SNX29: variants seen among roughly 807,000 people sequenced by gnomAD.
SNX29 encodes the protein sorting nexin 29, also known as sorting nexin-29.
Under a neutral mutation model 102.1 loss-of-function variants are expected in SNX29, and 78 were observed. The ratio of observed to expected loss-of-function variants is 0.76; its 90% CI spans 0.64 to 0.92. The LOEUF (loss-of-function observed/expected upper bound fraction) is 0.92. Among genes scored for constraint, SNX29 ranks in the 40% least tolerant of loss-of-function variants. The probability of loss-of-function intolerance (pLI) is 0.00; values close to 1 mark genes in which losing one functional copy is unlikely to be tolerated. For synonymous variants in SNX29, 580 were observed against 414.5 expected (o/e 1.40, Z -4.85); for missense variants, 1,280 against 1,061.7 (o/e 1.21, Z -2.86).
Position 12,382,650 on chromosome 16 carries a change from G to A in SNX29, c.1900-15796G>A, listed in dbSNP as rs140844401. ...AACGTGCTGGCTTAAAACAACATAC[G>A]TTTATTTGCTCGCAGTTCTGGAGGC... On this transcript the variant is annotated intron_variant, in intron 16 of 20. Transcript: ENST00000566228. Among the ~76,000 whole-genome samples the A allele has an allele frequency of 1.1e-4, 17 of 152,336 alleles. No homozygotes were observed. In the East Asian group the frequency reaches 3.3e-3, roughly 29 times the overall value.
At chr16:12,562,410 A>G (rs771541972) in intron 20 of SNX29, among the ~76,000 whole-genome samples, 1 of 152,080 alleles carries the variant, frequency 6.6e-6, no homozygotes, top group East Asian at 1.9e-4. Flanking sequence ...ATACCATACA[A>G]TTTACCCACT....
At chr16:12,348,472 C>T (rs761348342) in intron 15 of SNX29, among the ~76,000 whole-genome samples, 23 of 152,198 alleles carry the variant, frequency 1.5e-4, no homozygotes, top group Non-Finnish European at 2.8e-4. Flanking sequence ...GCCCACATGG[C>T]TTTTCCCCTC....
chr16:11,976,830 C>A lies in SNX29; in HGVS notation c.7+17C>A. 2 of 1,372,342 alleles carry A rather than the reference C, an allele frequency of 1.5e-6. No individual in the cohort carries two copies. The highest frequency in any genetic ancestry group is 1.6e-5 in the South Asian group (1 of 60,708). 85.0% of individuals were successfully genotyped at this position (1,372,342 alleles called of 1,614,324 possible). A position where few individuals can be genotyped will look rare whatever the true frequency, so the allele number is the denominator to read the frequency against. On this transcript the variant is annotated intron_variant, in intron 1 of 20. Transcript: ENST00000566228. ...CCATGAGCGGTGAGTGGCGGCCCCG[C>A]CGCTGTCACCTGCCCCGGCCGCCCC...
chr16:12,449,585 G>T (rs1486163301), intron 18 of SNX29, among the ~76,000 whole-genome samples: 1 of 152,176 alleles, frequency 6.6e-6, no homozygotes, highest in Non-Finnish European at 1.5e-5. Flanking sequence ...GGGTTGATCA[G>T]GGGCTCAAAT....
At chr16:12,160,724 T>G (rs844224) in intron 13 of SNX29, among the ~76,000 whole-genome samples, 66,431 of 152,106 alleles carry the variant, frequency 0.44, 19,224 homozygotes, top group African/African-American at 0.83. Flanking sequence ...TAAGGAAGAT[T>G]AGAAAAAAGT....
At position 12,557,028 on chromosome 16, in the gene SNX29, C is replaced by T. The variant is rs1047857133; in HGVS notation, c.2319-11478C>T. Among the ~76,000 whole-genome samples the T allele has an allele frequency of 6.4e-5, 8 of 124,166 alleles. No individual in the cohort carries two copies. The East Asian group carries it at 1.5e-3, about 23-fold the overall frequency. 81.5% of individuals were successfully genotyped at this position (124,166 alleles called of 152,430 possible). On this transcript the variant is annotated intron_variant, in intron 20 of 20. Coordinates refer to ENST00000566228, the MANE Select transcript of SNX29 (RefSeq NM_032167.5). ...TCTGGCTAATTTACCCCCCCCCCGC[C>T]CCAAGATGAGGTCTTGCTATGTGGC...
At chr16:12,361,888 C>G (rs1383886708) in intron 16 of SNX29, among the ~76,000 whole-genome samples, 1 of 151,682 alleles carries the variant, frequency 6.6e-6, no homozygotes, top group Non-Finnish European at 1.5e-5. Context: ...GAATCTGTAA[C>G]TGTTACCAGT....
At chr16:12,467,360 C>T (rs867140266) in intron 18 of SNX29, among the ~76,000 whole-genome samples, 1 of 152,190 alleles carries the variant, frequency 6.6e-6, no homozygotes, top group East Asian at 1.9e-4. Context: ...GGCGAAGATC[C>T]ATGCTCTCCT....
At chr16:12,449,998 A>G (rs981102855) in intron 18 of SNX29, among the ~76,000 whole-genome samples, 2 of 152,166 alleles carry the variant, frequency 1.3e-5, no homozygotes, top group Non-Finnish European at 1.5e-5. Flanking sequence ...CGGTTCCCCC[A>G]TACTGTTGTT....
rs768706561 is a variant in SNX29, at chr16:12,042,937, G to A, written c.288G>A (p.Lys96=). 9 of 1,613,526 alleles carry A rather than the reference G, an allele frequency of 5.6e-6. No homozygotes were observed. The East Asian group carries it at 6.7e-5, about 12-fold the overall frequency. The part of the protein sequence containing the change: ...FWYYVKEVLN[K]HELQRFYSLR... ...ACTACGTGAAGGAGGTCCTCAACAA[G>A]CACGAGCTGCAGCGCTTCTACTCCC... The change falls in exon 5 of 21, where the codon AAG becomes AAA. Residue 96 remains lysine (K), a synonymous_variant. Coordinates refer to ENST00000566228, the MANE Select transcript of SNX29 (RefSeq NM_032167.5).
intron 20 of SNX29, among the ~76,000 whole-genome samples, chr16:12,566,632 C>G (rs1015058230): frequency 5.3e-5 from 8 of 152,224 alleles, no homozygotes; most frequent in African/African-American, 1.9e-4. Context: ...AAGCAAAGAC[C>G]TCCTTCCAGC....
At chr16:12,437,518 A>T (rs2085591433) in intron 18 of SNX29, among the ~76,000 whole-genome samples, 1 of 152,222 alleles carries the variant, frequency 6.6e-6, no homozygotes. Context: ...GTCTCAGGAC[A>T]TACATATGAA....
At chr16:12,116,101 G>A (rs2053688402) in intron 11 of SNX29, among the ~76,000 whole-genome samples, 1 of 152,202 alleles carries the variant, frequency 6.6e-6, no homozygotes, top group African/African-American at 2.4e-5. Flanking sequence ...GTGCAATATA[G>A]TGATTTTGAA....
chr16:12,193,358 T>C (rs1448841110), intron 13 of SNX29, among the ~76,000 whole-genome samples: 1 of 151,234 alleles, frequency 6.6e-6, no homozygotes, highest in African/African-American at 2.4e-5. Context: ...TAATCCCAGC[T>C]ACTTGGGATC....
chr16:12,446,213 G>A (rs2086046099), intron 18 of SNX29, among the ~76,000 whole-genome samples: 1 of 151,936 alleles, frequency 6.6e-6, no homozygotes, highest in Non-Finnish European at 1.5e-5. Flanking sequence ...GCACCACCAT[G>A]CCCGGCTAAT....
chr16:12,368,413 A>G (rs2082565335), intron 16 of SNX29, among the ~76,000 whole-genome samples: 2 of 152,254 alleles, frequency 1.3e-5, no homozygotes, highest in African/African-American at 2.4e-5. Context: ...TTCAGCTGTG[A>G]GTCAAGAGAG....
chr16:12,350,787 T>G (rs1291654597), intron 15 of SNX29, among the ~76,000 whole-genome samples: 1 of 152,200 alleles, frequency 6.6e-6, no homozygotes. Context: ...CCGTGGGCTT[T>G]AAAAAGTACT....
At chr16:12,020,660 G>C (rs867106688) in intron 3 of SNX29, among the ~76,000 whole-genome samples, 1 of 143,084 alleles carries the variant, frequency 7.0e-6, no homozygotes. Flanking sequence ...GTCTCGCTCT[G>C]TCCCCCAGGC....
intron 3 of SNX29, among the ~76,000 whole-genome samples, chr16:12,019,106 A>G (rs2056938048): frequency 6.6e-6 from 1 of 152,226 alleles, no homozygotes; most frequent in African/African-American, 2.4e-5. Flanking sequence ...GTTCAAGGCA[A>G]TAATATTTCT....
Sources: gnomAD v4.1 joint callset for allele counts (sites outside exome capture counted in the v4.1 genomes callset) on GRCh38, gnomAD v4.1.1 for gene constraint, MANE v1.5 for transcripts, NCBI Gene and HGNC (gene_info 2026-07-23, HGNC 2026-07-21) for gene names.